Variants in RBFOX1 observed in about 807,000 individuals in gnomAD.
RBFOX1 encodes RNA binding protein fox-1 homolog 1.
Under a neutral mutation model 57.7 loss-of-function variants are expected in RBFOX1, and 8 were observed. The observed-to-expected ratio is 0.14, with a 90% CI of 0.08 to 0.25. The LOEUF (loss-of-function observed/expected upper bound fraction) is 0.25, where lower values mean the gene tolerates loss of function less well. Among genes scored for constraint, RBFOX1 ranks in the 10% least tolerant of loss-of-function variants. The pLI, the probability that RBFOX1 is intolerant of heterozygous loss-of-function variation, is 1.00. For missense variants in RBFOX1, 611 were observed against 548.5 expected, an observed-to-expected ratio of 1.11 and a Z score of -1.14; for synonymous variants, 326 against 222.4, an observed-to-expected ratio of 1.47 and a Z score of -4.15.
chr16:7,341,174 C>T (rs2145200101), intron 4 of RBFOX1, among the ~76,000 whole-genome samples: 2 of 152,254 alleles, frequency 1.3e-5, no homozygotes, highest in Admixed American at 1.3e-4. Context: ...CACCAGCTTG[C>T]AAGGAGCCAG....
chr16:6,426,872 C>A (rs1179203480), intron 2 of RBFOX1, among the ~76,000 whole-genome samples: 1 of 152,186 alleles, frequency 6.6e-6, no homozygotes, highest in Non-Finnish European at 1.5e-5. Flanking sequence ...GTGGTGTAAA[C>A]TTCTTGAGCA....
intron 3 of RBFOX1, among the ~76,000 whole-genome samples, chr16:7,016,774 G>T (rs1172959676): frequency 6.6e-6 from 1 of 152,192 alleles, no homozygotes; most frequent in East Asian, 1.9e-4. Context: ...TTAGGATGCT[G>T]TGAGCAGGGT....
chr16:5,766,783 G>T (rs1202729329), intron 3 of RBFOX1, among the ~76,000 whole-genome samples: 2 of 152,064 alleles, frequency 1.3e-5, no homozygotes, highest in African/African-American at 4.8e-5. Context: ...AGAAGCTAAG[G>T]CTACCCACCC....
intron 4 of RBFOX1, among the ~76,000 whole-genome samples, chr16:7,152,143 G>C (rs2076226350): frequency 6.6e-6 from 1 of 152,160 alleles, no homozygotes; most frequent in African/African-American, 2.4e-5. Flanking sequence ...TGTCAATTCT[G>C]TTTGGATCAC....
rs1480962699 is a variant in RBFOX1, at chr16:6,317,071, A to G, written c.-64+14A>G. ...ACTCAGCATTCAGTAAGTGCAACCC[A>G]TTTTGAACATTCATTCCATAAATAC... On this transcript the variant is annotated intron_variant, in intron 2 of 15. Transcript: ENST00000550418. 3.9e-6 allele frequency: 6 copies of G among 1,526,930 alleles called. No individual in the cohort carries two copies. In the East Asian group the frequency reaches 1.5e-4, roughly 37 times the overall value. The allele number at this position is 1,526,930 out of a possible 1,614,324, so 94.6% of individuals were successfully genotyped here. A position where few individuals can be genotyped will look rare whatever the true frequency, so the allele number is the denominator to read the frequency against.
At chr16:5,294,376 C>T (rs2063610802) in intron 1 of RBFOX1, among the ~76,000 whole-genome samples, 1 of 152,184 alleles carries the variant, frequency 6.6e-6, no homozygotes, top group African/African-American at 2.4e-5. Flanking sequence ...TGGTGTGCAG[C>T]TGTGGTTGAG....
chr16:7,377,652 T>G (rs932041052), intron 4 of RBFOX1, among the ~76,000 whole-genome samples: 3 of 152,240 alleles, frequency 2.0e-5, no homozygotes, highest in African/African-American at 7.2e-5. Context: ...GACTCATTCA[T>G]TTATTTGTGT....
At chr16:6,746,657 G>A (rs2073732031) in intron 3 of RBFOX1, among the ~76,000 whole-genome samples, 2 of 151,756 alleles carry the variant, frequency 1.3e-5, no homozygotes, top group Non-Finnish European at 2.9e-5. Context: ...CAGCCTGAGT[G>A]ACGAGTGAGA....
intron 4 of RBFOX1, among the ~76,000 whole-genome samples, chr16:7,458,736 C>T (rs1337591762): frequency 6.6e-6 from 1 of 152,098 alleles, no homozygotes; most frequent in Non-Finnish European, 1.5e-5. Context: ...AGCTCATTAC[C>T]TTTTCAGATA....
chr16:6,549,506 G>C, intron 2 of RBFOX1, among the ~76,000 whole-genome samples: 1 of 93,260 alleles, frequency 1.1e-5, no homozygotes, highest in African/African-American at 5.0e-5. Flanking sequence ...AGGAGGAGGG[G>C]AAGAGGAGGA....
intron 2 of RBFOX1, among the ~76,000 whole-genome samples, chr16:6,638,923 G>T (rs2098465206): frequency 6.6e-6 from 1 of 152,176 alleles, no homozygotes; most frequent in Non-Finnish European, 1.5e-5. Context: ...CTACCAGGAA[G>T]CAAAATGCCA....
intron 3 of RBFOX1, among the ~76,000 whole-genome samples, chr16:6,691,164 T>G (rs2060151973): frequency 6.6e-6 from 1 of 152,168 alleles, no homozygotes; most frequent in South Asian, 2.1e-4. Flanking sequence ...GTCTTTTGTA[T>G]CAAAAAGTGT....
At chr16:6,986,395 C>T (rs921267161) in intron 3 of RBFOX1, among the ~76,000 whole-genome samples, 18 of 151,956 alleles carry the variant, frequency 1.2e-4, no homozygotes, top group Non-Finnish European at 2.2e-4. Flanking sequence ...GACGGGGTTT[C>T]ACCATGTTGG....
chr16:6,014,791 C>T (rs1463989845), upstream of RBFOX1, among the ~76,000 whole-genome samples: 2 of 151,814 alleles, frequency 1.3e-5, no homozygotes, highest in Middle Eastern at 3.2e-3. Context: ...ATTGTATCAA[C>T]TCTTCTGTGA....
intron 3 of RBFOX1, among the ~76,000 whole-genome samples, chr16:7,040,650 G>A (rs550745805): frequency 2.0e-5 from 3 of 152,026 alleles, no homozygotes; most frequent in Admixed American, 2.0e-4. Flanking sequence ...CTTTTTTCCA[G>A]GTATAAATGG....
chr16:7,195,328 G>A (rs1234331028), intron 4 of RBFOX1, among the ~76,000 whole-genome samples: 3 of 152,164 alleles, frequency 2.0e-5, no homozygotes, highest in Non-Finnish European at 2.9e-5. Flanking sequence ...CTTGGTTGCA[G>A]TGTCTTTTCT....
intron 5 of RBFOX1, among the ~76,000 whole-genome samples, chr16:7,546,328 AAAAATAAAATAAAATAAAATAAAAT>A (rs59260994): frequency 0.91 from 135,632 of 148,642 alleles, 62,424 homozygotes; most frequent in Non-Finnish European, 0.98. Flanking sequence ...CTCCACCTCA[AAAAATAAAATAAAATAAAATAAAAT>A]AAAATAAAAT....
chr16:7,551,453 T>G (rs2086504680), intron 5 of RBFOX1, among the ~76,000 whole-genome samples: 1 of 152,160 alleles, frequency 6.6e-6, no homozygotes, highest in Non-Finnish European at 1.5e-5. Flanking sequence ...TGGGGCGCAC[T>G]TGCTGGGTGA....
chr16:6,442,550 G>T (rs2094405791), intron 2 of RBFOX1, among the ~76,000 whole-genome samples: 1 of 142,188 alleles, frequency 7.0e-6, no homozygotes, highest in Non-Finnish European at 1.5e-5. Flanking sequence ...GCAAGCCTCA[G>T]AAAATAAAAA....
Sources: allele counts gnomAD v4.1 joint callset (sites outside exome capture counted in the v4.1 genomes callset), GRCh38; gene constraint gnomAD v4.1.1; transcripts MANE v1.5; gene names NCBI Gene and HGNC (gene_info 2026-07-23, HGNC 2026-07-21).